The following ADIPOR2 variants were observed in gnomAD, a reference collection of about 807,000 sequenced individuals.
ADIPOR2 encodes adiponectin receptor 2.
ADIPOR2 carries 18 observed loss-of-function variants against 40.9 expected under a neutral mutation model. That is an observed-to-expected ratio of 0.44 (90% CI 0.30 to 0.65). The LOEUF (loss-of-function observed/expected upper bound fraction) is 0.65. Among genes scored for constraint, ADIPOR2 ranks in the 30% least tolerant of loss-of-function variants. The pLI is 0.09. For missense variants in ADIPOR2, 283 were observed against 479.2 expected (o/e 0.59, Z 3.82); for synonymous variants, 165 against 166.4 (o/e 0.99, Z 0.06).
At chr12:1,703,212 G>A (rs1430591112) in intron 1 of ADIPOR2, among the ~76,000 whole-genome samples, 1 of 152,166 alleles carries the variant, frequency 6.6e-6, no homozygotes, top group Non-Finnish European at 1.5e-5. Flanking sequence ...ACATGAAAAT[G>A]CCTACTATAT....
chr12:1,763,728 A>G (rs1310752734), intron 2 of ADIPOR2, among the ~76,000 whole-genome samples: 1 of 152,148 alleles, frequency 6.6e-6, no homozygotes, highest in Non-Finnish European at 1.5e-5. Flanking sequence ...CTGTAATCCT[A>G]ACAACTTTGA....
chr12:1,694,749 T>G (rs937716728), intron 1 of ADIPOR2, among the ~76,000 whole-genome samples: 6 of 152,324 alleles, frequency 3.9e-5, no homozygotes, highest in Middle Eastern at 6.8e-3. Context: ...TCACCTCTCT[T>G]TGTGTGCATA....
intron 1 of ADIPOR2, among the ~76,000 whole-genome samples, chr12:1,725,770 A>G (rs1455245047): frequency 6.6e-6 from 1 of 152,258 alleles, no homozygotes; most frequent in Non-Finnish European, 1.5e-5. Flanking sequence ...CAAATTAATA[A>G]TAAAGCCTAC....
Position 1,702,902 on chromosome 12 carries a change from G to T in ADIPOR2, c.-87+11711G>T, listed in dbSNP as rs1451605395. ...TTTCTTCAGTTGATCTCCCTTTTGTGAGGTGGTTTTTAAGTGAATCATTAA... is the reference window on the plus strand; with the variant it reads ...TTTCTTCAGTTGATCTCCCTTTTGTTAGGTGGTTTTTAAGTGAATCATTAA... On this transcript the variant is annotated intron_variant, in intron 1 of 7. Coordinates refer to ENST00000357103, the MANE Select transcript of ADIPOR2 (RefSeq NM_024551.3). The T allele has an allele frequency of 2.0e-5, 3 of 152,334 alleles. No homozygotes were observed. In the East Asian group the frequency reaches 5.8e-4, roughly 29 times the overall value. 9.4% of individuals were successfully genotyped at this position (152,334 alleles called of 1,614,324 possible).
chr12:1,784,955 A>G (rs367939385), intron 7 of ADIPOR2, among the ~76,000 whole-genome samples: 7 of 152,320 alleles, frequency 4.6e-5, no homozygotes, highest in South Asian at 4.1e-4. Flanking sequence ...AACTTAAGCA[A>G]TCTTTCTAGC....
At chr12:1,746,217 A>G (rs902000977) in intron 1 of ADIPOR2, among the ~76,000 whole-genome samples, 31 of 152,352 alleles carry the variant, frequency 2.0e-4, no homozygotes, top group African/African-American at 7.0e-4. Flanking sequence ...TTTAGTTAAA[A>G]ACTCTTATAA....
At chr12:1,768,969 G>C (rs949264276) in intron 2 of ADIPOR2, among the ~76,000 whole-genome samples, 1 of 152,168 alleles carries the variant, frequency 6.6e-6, no homozygotes, top group African/African-American at 2.4e-5. Flanking sequence ...TGTTTAATCT[G>C]TCACAATGTC....
At chr12:1,734,571 C>T (rs1242069285) in intron 1 of ADIPOR2, among the ~76,000 whole-genome samples, 4 of 152,100 alleles carry the variant, frequency 2.6e-5, no homozygotes, top group African/African-American at 9.7e-5. Context: ...TGCCTGTTCA[C>T]TCTGATGGTA....
chr12:1,773,722 CTTT>C (rs910138901), intron 3 of ADIPOR2, among the ~76,000 whole-genome samples: 2 of 152,050 alleles, frequency 1.3e-5, no homozygotes, highest in African/African-American at 4.8e-5. Context: ...CTGGAGAACT[CTTT>C]ATTATTTAGA....
chr12:1,735,073 T>C (rs1429269546), intron 1 of ADIPOR2, among the ~76,000 whole-genome samples: 4 of 152,222 alleles, frequency 2.6e-5, no homozygotes, highest in Non-Finnish European at 5.9e-5. Context: ...GACTTGGCAA[T>C]GTGGGCTCTT....
intron 1 of ADIPOR2, chr12:1,696,971 A>C (rs1281429599): frequency 1.3e-5 from 2 of 152,640 alleles, no homozygotes; most frequent in Non-Finnish European, 2.9e-5. Flanking sequence ...ATGAGCAATA[A>C]CTGAGTGATC....
At position 1,785,369 on chromosome 12, in the gene ADIPOR2, G is replaced by T. The variant is rs147055376; in HGVS notation, c.1033-575G>T. On this transcript the variant is annotated intron_variant, in intron 7 of 7. Coordinates refer to ENST00000357103, the MANE Select transcript of ADIPOR2 (RefSeq NM_024551.3). ...TGCTTAGTTTTTGACACATTATGTA[G>T]TTCATGAAATTTGAGAATCGTAGCA... Among the ~76,000 whole-genome samples the T allele has an allele frequency of 2.4e-3, 359 of 152,328 alleles. 2 individuals carry two copies. The highest frequency in any genetic ancestry group is 8.1e-3 in the African/African-American group (336 of 41,580).
At chr12:1,695,699 C>A (rs1426735093) in intron 1 of ADIPOR2, 1 of 149,554 alleles carries the variant, frequency 6.7e-6, no homozygotes, top group African/African-American at 2.4e-5. Context: ...ACCCGTCATT[C>A]AGCAGTCATT....
chr12:1,714,499 G>A (rs941016235), intron 1 of ADIPOR2, among the ~76,000 whole-genome samples: 6 of 152,112 alleles, frequency 3.9e-5, no homozygotes, highest in African/African-American at 1.5e-4. Flanking sequence ...AAGGCCTCCT[G>A]TAGCCGCTCG....
At chr12:1,745,883 T>A (rs184631548) in intron 1 of ADIPOR2, among the ~76,000 whole-genome samples, 5 of 150,902 alleles carry the variant, frequency 3.3e-5, no homozygotes, top group Admixed American at 3.3e-4. Context: ...AAAATTTTAT[T>A]GAAATTCATG....
intron 1 of ADIPOR2, among the ~76,000 whole-genome samples, chr12:1,694,629 A>G (rs1033001860): frequency 6.6e-6 from 1 of 152,220 alleles, no homozygotes; most frequent in South Asian, 2.1e-4. Flanking sequence ...ATAAGAGCCC[A>G]TGGATATGGA....
intron 1 of ADIPOR2, among the ~76,000 whole-genome samples, chr12:1,729,470 A>G (rs577909649): frequency 4.4e-4 from 66 of 151,400 alleles, no homozygotes; most frequent in Middle Eastern, 6.8e-3. Context: ...ATTTATTACA[A>G]TTTTTTAAAT....
intron 1 of ADIPOR2, among the ~76,000 whole-genome samples, chr12:1,701,129 T>G (rs2094649413): frequency 8.0e-6 from 1 of 125,150 alleles, no homozygotes; most frequent in Non-Finnish European, 1.9e-5. Flanking sequence ...GTGTTGATCT[T>G]TTTTTTTTTT....
chr12:1,754,664 G>T, intron 2 of ADIPOR2, 150 bp downstream of exon 2: 1 of 700,960 alleles, frequency 1.4e-6, no homozygotes, highest in Non-Finnish European at 2.2e-6. Context: ...TTTTTCTTCT[G>T]GATAACTTGA....
Sources: gnomAD v4.1 joint callset for allele counts (sites outside exome capture counted in the v4.1 genomes callset) on GRCh38, gnomAD v4.1.1 for gene constraint, MANE v1.5 for transcripts, NCBI Gene and HGNC (gene_info 2026-07-23, HGNC 2026-07-21) for gene names.